Variants in KCNAB1 observed in about 807,000 individuals in gnomAD.
KCNAB1 encodes voltage-gated potassium channel subunit beta-1.
Under a neutral mutation model 64.6 loss-of-function variants are expected in KCNAB1, and 35 were observed. The observed-to-expected ratio is 0.54, with a 90% CI of 0.41 to 0.72. The LOEUF (loss-of-function observed/expected upper bound fraction) is 0.72. KCNAB1 is among the 30% of genes least tolerant of loss of function. KCNAB1 has a pLI of 0.00. For missense variants in KCNAB1, 401 were observed against 512.9 expected (o/e 0.78, Z 2.11); for synonymous variants, 177 against 183.8 (o/e 0.96, Z 0.30).
At chr3:156,466,446 A>T (rs1225532456) in intron 7 of KCNAB1, among the ~76,000 whole-genome samples, 2 of 151,820 alleles carry the variant, frequency 1.3e-5, no homozygotes, top group East Asian at 3.9e-4. Context: ...TTGTGTGCAA[A>T]TTTTTGTGTA....
intron 1 of KCNAB1, among the ~76,000 whole-genome samples, chr3:156,343,640 G>A (rs1446630495): frequency 6.6e-6 from 1 of 152,146 alleles, no homozygotes; most frequent in Non-Finnish European, 1.5e-5. Context: ...CCCCTTGGCT[G>A]GTTGACTTTG....
intron 1 of KCNAB1, among the ~76,000 whole-genome samples, chr3:156,169,733 A>G (rs1711836920): frequency 6.6e-6 from 1 of 152,028 alleles, no homozygotes; most frequent in African/African-American, 2.4e-5. Context: ...TGCTTCCCCC[A>G]CTTGCGCTCT....
intron 1 of KCNAB1, among the ~76,000 whole-genome samples, chr3:156,272,192 G>A (rs1226661654): frequency 2.6e-5 from 4 of 152,226 alleles, no homozygotes. Context: ...AAGGCCTGCT[G>A]TAATCACTAA....
chr3:156,379,088 C>G (rs1037672074), intron 1 of KCNAB1, among the ~76,000 whole-genome samples: 1 of 152,230 alleles, frequency 6.6e-6, no homozygotes, highest in African/African-American at 2.4e-5. Context: ...GCTGATTCAT[C>G]TGTTTTAATC....
chr3:156,127,916 T>TA lies in KCNAB1; in HGVS notation c.275+7030_275+7031insA, dbSNP rs1379363340. On this transcript the variant is annotated intron_variant, in intron 1 of 13. Coordinates refer to ENST00000490337, the MANE Select transcript of KCNAB1 (RefSeq NM_172160.3). ...GTGTGTGTGTGTGTGTGTGTGTGTG[T>TA]GTGCACGTGCGTGCGCACCTGGTTT... Among the ~76,000 whole-genome samples, 5 of 150,040 alleles carry TA rather than the reference T, an allele frequency of 3.3e-5. No individual in the cohort carries two copies. In the East Asian group the frequency reaches 9.7e-4, roughly 29 times the overall value.
chr3:156,431,322 A>C (rs897334938), intron 2 of KCNAB1, among the ~76,000 whole-genome samples: 6 of 152,258 alleles, frequency 3.9e-5, no homozygotes, highest in African/African-American at 1.4e-4. Context: ...AACTCTGTGC[A>C]GCATAAAAAC....
At chr3:156,175,384 G>C (rs1030516137) in intron 1 of KCNAB1, among the ~76,000 whole-genome samples, 4 of 152,218 alleles carry the variant, frequency 2.6e-5, no homozygotes, top group African/African-American at 9.6e-5. Context: ...ACTTTGGGAG[G>C]CCGAGGCGGG....
At chr3:156,325,268 C>T (rs1000477122) in intron 1 of KCNAB1, among the ~76,000 whole-genome samples, 3 of 152,142 alleles carry the variant, frequency 2.0e-5, no homozygotes, top group Admixed American at 6.6e-5. Flanking sequence ...CTCTGGGGCT[C>T]AAGCTCTTAA....
intron 1 of KCNAB1, chr3:156,291,900 G>A (rs1403039473): frequency 6.2e-7 from 1 of 1,614,022 alleles, no homozygotes; most frequent in Non-Finnish European, 8.5e-7. Context: ...GCGCTGCCTG[G>A]GGAAGCAATG....
intron 1 of KCNAB1, among the ~76,000 whole-genome samples, chr3:156,249,398 C>G (rs1013798773): frequency 2.6e-5 from 4 of 151,752 alleles, no homozygotes; most frequent in African/African-American, 9.7e-5. Context: ...CTGGCGTAAC[C>G]CTGTCTCTAC....
At chr3:156,485,749 C>G (rs1435908723) in intron 8 of KCNAB1, among the ~76,000 whole-genome samples, 1 of 152,090 alleles carries the variant, frequency 6.6e-6, no homozygotes, top group African/African-American at 2.4e-5. Context: ...CCCTGCCACC[C>G]TCCCCTCTTT....
At chr3:156,263,909 A>G (rs921331979) in intron 1 of KCNAB1, among the ~76,000 whole-genome samples, 5 of 152,150 alleles carry the variant, frequency 3.3e-5, no homozygotes, top group Non-Finnish European at 7.4e-5. Context: ...ATTGCTACTC[A>G]CATAGAGTTG....
chr3:156,523,819 T>C lies in KCNAB1; in HGVS notation c.961-8T>C. Reference sequence around the variant, plus strand: ...ACATTAACATTTCAATGTTATGCTTTTCCCCAGTGCTACCAGTGGTTGAAA... The same window carrying C: ...ACATTAACATTTCAATGTTATGCTTCTCCCCAGTGCTACCAGTGGTTGAAA... On this transcript the variant is annotated splice_region_variant and splice_polypyrimidine_tract_variant and intron_variant, in intron 11 of 13. Coordinates refer to ENST00000490337, the MANE Select transcript of KCNAB1 (RefSeq NM_172160.3). 6.2e-7 allele frequency: 1 copy of C among 1,610,056 alleles called. No homozygotes were observed.
chr3:156,492,242 TAAAGAATAAA>T (rs1715684017), intron 8 of KCNAB1, among the ~76,000 whole-genome samples: 1 of 152,140 alleles, frequency 6.6e-6, no homozygotes, highest in Non-Finnish European at 1.5e-5. Context: ...TTAAGTGCTA[TAAAGAATAAA>T]AAAGAAGATA....
chr3:156,166,069 C>T (rs948677680), intron 1 of KCNAB1, among the ~76,000 whole-genome samples: 1 of 152,150 alleles, frequency 6.6e-6, no homozygotes, highest in African/African-American at 2.4e-5. Context: ...TTCAGATGTT[C>T]AGCGAACATT....
intron 1 of KCNAB1, among the ~76,000 whole-genome samples, chr3:156,159,076 C>A (rs34707206): frequency 4.4e-4 from 67 of 151,468 alleles, no homozygotes; most frequent in South Asian, 2.1e-3. Flanking sequence ...TGTCCGCCCC[C>A]CCCTGTAATA....
intron 8 of KCNAB1, among the ~76,000 whole-genome samples, chr3:156,489,166 A>G (rs1487729064): frequency 6.6e-6 from 1 of 152,146 alleles, no homozygotes; most frequent in African/African-American, 2.4e-5. Context: ...AGCTGTCTGC[A>G]TGCGAATGGT....
At chr3:156,502,474 G>A (rs1319927505) in intron 8 of KCNAB1, among the ~76,000 whole-genome samples, 1 of 151,050 alleles carries the variant, frequency 6.6e-6, no homozygotes, top group Non-Finnish European at 1.5e-5. Flanking sequence ...CATGGAAAAA[G>A]TGGCATTCTA....
chr3:156,250,417 C>A (rs7615156), intron 1 of KCNAB1, among the ~76,000 whole-genome samples: 1 of 152,134 alleles, frequency 6.6e-6, no homozygotes, highest in East Asian at 1.9e-4. Context: ...TCCTCCTATC[C>A]CTTCTCTTCC....
Sources: allele counts gnomAD v4.1 joint callset (sites outside exome capture counted in the v4.1 genomes callset), GRCh38; gene constraint gnomAD v4.1.1; transcripts MANE v1.5; gene names NCBI Gene and HGNC (gene_info 2026-07-23, HGNC 2026-07-21).